The following SLC35F4 variants were observed in gnomAD, a reference collection of about 807,000 sequenced individuals.
SLC35F4 encodes chromosome 14 open reading frame 36.
SLC35F4 carries 24 observed loss-of-function variants against 44.2 expected under a neutral mutation model. The ratio of observed to expected loss-of-function variants is 0.54; its 90% CI spans 0.39 to 0.76. The LOEUF (loss-of-function observed/expected upper bound fraction) is 0.76. SLC35F4 is among the 30% of genes least tolerant of loss of function. The pLI is 0.00. For missense variants in SLC35F4, 562 were observed against 586.1 expected (o/e 0.96, Z 0.42); for synonymous variants, 238 against 223.6 (o/e 1.06, Z -0.57).
intron 1 of SLC35F4, among the ~76,000 whole-genome samples, chr14:57,720,762 C>G (rs896967463): frequency 1.7e-4 from 26 of 151,838 alleles, no homozygotes; most frequent in African/African-American, 6.0e-4. Context: ...TAATCAGCCG[C>G]CAGCATGGCT....
At chr14:57,580,829 G>A (rs867992389) in intron 4 of SLC35F4, among the ~76,000 whole-genome samples, 1 of 152,036 alleles carries the variant, frequency 6.6e-6, no homozygotes, top group East Asian at 1.9e-4. Flanking sequence ...GGAATGGGGG[G>A]TCATCTCAAC....
intron 1 of SLC35F4, among the ~76,000 whole-genome samples, chr14:57,927,235 C>G (rs1889594731): frequency 6.6e-6 from 1 of 152,172 alleles, no homozygotes; most frequent in Admixed American, 6.5e-5. Context: ...AAAGCTTGAT[C>G]ATAACAATGC....
chr14:57,720,316 G>GAT (rs2140433167), intron 1 of SLC35F4, among the ~76,000 whole-genome samples: 1 of 152,184 alleles, frequency 6.6e-6, no homozygotes, highest in South Asian at 2.1e-4. Context: ...GCCTTTGTCT[G>GAT]ATTTTGTTTT....
At chr14:57,900,412 C>A (rs1888975592) in intron 1 of SLC35F4, among the ~76,000 whole-genome samples, 1 of 151,950 alleles carries the variant, frequency 6.6e-6, no homozygotes, top group Non-Finnish European at 1.5e-5. Context: ...GTCATGTGCT[C>A]ACCTCTGGCC....
chr14:57,709,663 A>C (rs2075769232), intron 1 of SLC35F4, among the ~76,000 whole-genome samples: 1 of 152,152 alleles, frequency 6.6e-6, no homozygotes, highest in Admixed American at 6.5e-5. Flanking sequence ...GACTGGCAAC[A>C]TTTTGCCCCT....
At chr14:57,643,643 T>C (rs966976556) in intron 1 of SLC35F4, among the ~76,000 whole-genome samples, 1 of 152,130 alleles carries the variant, frequency 6.6e-6, no homozygotes, top group African/African-American at 2.4e-5. Flanking sequence ...ATACTTTAAG[T>C]TTTAGGGTAC....
At chr14:57,590,123 C>T (rs2070068374) in intron 2 of SLC35F4, among the ~76,000 whole-genome samples, 1 of 147,242 alleles carries the variant, frequency 6.8e-6, no homozygotes. Context: ...GGTGCTGTGA[C>T]TCAGGCCTGT....
intron 1 of SLC35F4, among the ~76,000 whole-genome samples, chr14:57,682,775 A>G (rs1027733999): frequency 6.6e-6 from 1 of 152,268 alleles, no homozygotes; most frequent in African/African-American, 2.4e-5. Context: ...TAGTTCCTCC[A>G]CTTAACAAGC....
intron 6 of SLC35F4, among the ~76,000 whole-genome samples, chr14:57,566,955 G>A (rs62004510): frequency 3.4e-3 from 511 of 152,328 alleles, no homozygotes; most frequent in Non-Finnish European, 5.2e-3. Flanking sequence ...CACATTCATA[G>A]ACATTAAATG....
chr14:57,676,537 A>G (rs1192910498), intron 1 of SLC35F4, among the ~76,000 whole-genome samples: 1 of 152,154 alleles, frequency 6.6e-6, no homozygotes, highest in African/African-American at 2.4e-5. Flanking sequence ...TACCTATGTA[A>G]CAAACTTGCA....
intron 1 of SLC35F4, among the ~76,000 whole-genome samples, chr14:57,627,426 ATTTATTC>A: frequency 6.6e-6 from 1 of 152,154 alleles, no homozygotes; most frequent in Non-Finnish European, 1.5e-5. Flanking sequence ...TAGCAAAGAC[ATTTATTC>A]CTTGGACCAG....
chr14:57,833,352 A>G (rs1884575397), intron 1 of SLC35F4, among the ~76,000 whole-genome samples: 1 of 152,202 alleles, frequency 6.6e-6, no homozygotes, highest in Non-Finnish European at 1.5e-5. Context: ...TTTTCTGAAA[A>G]TCAGTACAGA....
At chr14:57,816,687 T>C (rs1039923825) in intron 1 of SLC35F4, among the ~76,000 whole-genome samples, 1 of 152,128 alleles carries the variant, frequency 6.6e-6, no homozygotes, top group Non-Finnish European at 1.5e-5. Context: ...AAGCACAAAA[T>C]TTAAGAAAGT....
At chr14:57,603,515 G>C (rs1037540996) in intron 1 of SLC35F4, among the ~76,000 whole-genome samples, 2 of 152,134 alleles carry the variant, frequency 1.3e-5, no homozygotes, top group African/African-American at 2.4e-5. Flanking sequence ...TTGGCAATAA[G>C]GTGTAGGTAT....
intron 1 of SLC35F4, among the ~76,000 whole-genome samples, chr14:57,864,282 AAGG>A (rs1166526336): frequency 2.6e-5 from 4 of 152,242 alleles, no homozygotes; most frequent in Non-Finnish European, 5.9e-5. Context: ...GCCAATAAAA[AAGG>A]AGAAGTTTTT....
At chr14:57,960,672 G>A (rs1258957085) in intron 1 of SLC35F4, among the ~76,000 whole-genome samples, 1 of 152,162 alleles carries the variant, frequency 6.6e-6, no homozygotes, top group African/African-American at 2.4e-5. Context: ...TTATGTTGAT[G>A]TTGATCCCTA....
chr14:57,684,298 C>A (rs1281384974), intron 1 of SLC35F4, among the ~76,000 whole-genome samples: 2 of 152,144 alleles, frequency 1.3e-5, no homozygotes, highest in Non-Finnish European at 1.5e-5. Flanking sequence ...TTGCAGCCCC[C>A]ACCCTAGGCC....
At chr14:57,833,142 G>T (rs1884553379) in intron 1 of SLC35F4, among the ~76,000 whole-genome samples, 1 of 152,160 alleles carries the variant, frequency 6.6e-6, no homozygotes, top group South Asian at 2.1e-4. Context: ...TTACTGTCAC[G>T]TTGTTGTCAT....
intron 1 of SLC35F4, among the ~76,000 whole-genome samples, chr14:57,705,079 A>T (rs1180193916): frequency 6.6e-6 from 1 of 152,216 alleles, no homozygotes; most frequent in Non-Finnish European, 1.5e-5. Context: ...GCAATACTAT[A>T]TCCAGCTCAT....
Sources: gnomAD v4.1 joint callset for allele counts (sites outside exome capture counted in the v4.1 genomes callset) on GRCh38, gnomAD v4.1.1 for gene constraint, MANE v1.5 for transcripts, NCBI Gene and HGNC (gene_info 2026-07-23, HGNC 2026-07-21) for gene names.